The following KIF26B variants were observed in gnomAD, a reference collection of about 807,000 sequenced individuals.
The protein encoded by KIF26B is kinesin family member 26B.
Under a neutral mutation model 151.2 loss-of-function variants are expected in KIF26B, and 63 were observed. The observed-to-expected ratio is 0.42, with a 90% CI of 0.34 to 0.51. The LOEUF (loss-of-function observed/expected upper bound fraction) is 0.51, where lower values mean the gene tolerates loss of function less well. Ranked by LOEUF, KIF26B falls within the 20% of genes least tolerant of loss-of-function variation. The pLI, the probability that KIF26B is intolerant of heterozygous loss-of-function variation, is 0.07. For missense variants in KIF26B, 2,813 were observed against 2,913.6 expected, an observed-to-expected ratio of 0.97 and a Z score of 0.79; for synonymous variants, 1,357 against 1,262.1, an observed-to-expected ratio of 1.08 and a Z score of -1.59.
At chr1:245,533,182 A>G (rs1057429382) in intron 4 of KIF26B, among the ~76,000 whole-genome samples, 7 of 152,204 alleles carry the variant, frequency 4.6e-5, no homozygotes, top group Admixed American at 3.9e-4. Context: ...AAATAGTTCT[A>G]TAATGGCACG....
At chr1:245,217,386 A>G (rs1235456468) in intron 2 of KIF26B, among the ~76,000 whole-genome samples, 2 of 138,794 alleles carry the variant, frequency 1.4e-5, no homozygotes, top group African/African-American at 5.4e-5. Context: ...TTTTTTTGAG[A>G]CGGAGTCTCG....
chr1:245,534,015 G>C (rs1250932057), intron 4 of KIF26B, among the ~76,000 whole-genome samples: 1 of 152,136 alleles, frequency 6.6e-6, no homozygotes. Flanking sequence ...GATGCATTAG[G>C]AGAATTGTCT....
chr1:245,181,458 T>G (rs575976905), intron 2 of KIF26B, among the ~76,000 whole-genome samples: 1 of 151,558 alleles, frequency 6.6e-6, no homozygotes, highest in Non-Finnish European at 1.5e-5. Context: ...GTGTAAATTT[T>G]CAAGATTGTA....
chr1:245,279,306 C>CTT (rs5782332), intron 2 of KIF26B, among the ~76,000 whole-genome samples: 1,679 of 132,634 alleles, frequency 0.013, 42 homozygotes, highest in African/African-American at 0.042. Context: ...TTTTTTCTTT[C>CTT]TTTTTTTTTT....
intron 4 of KIF26B, among the ~76,000 whole-genome samples, chr1:245,430,913 A>C (rs1658762063): frequency 6.6e-6 from 1 of 152,204 alleles, no homozygotes; most frequent in Non-Finnish European, 1.5e-5. Flanking sequence ...CACAAGCCAG[A>C]ATATAAGCTC....
chr1:245,683,536 C>CA (rs1422115697), intron 10 of KIF26B, among the ~76,000 whole-genome samples: 3 of 152,180 alleles, frequency 2.0e-5, no homozygotes, highest in Admixed American at 2.0e-4. Flanking sequence ...CCACTCAGGG[C>CA]AGTGGCCCCG....
At chr1:245,434,411 C>T (rs972487523) in intron 4 of KIF26B, among the ~76,000 whole-genome samples, 3 of 152,198 alleles carry the variant, frequency 2.0e-5, no homozygotes, top group African/African-American at 7.2e-5. Flanking sequence ...CAAGAACCTC[C>T]TTTCTCTCCC....
intron 4 of KIF26B, among the ~76,000 whole-genome samples, chr1:245,529,943 C>A (rs1294122418): frequency 1.3e-5 from 2 of 151,954 alleles, no homozygotes; most frequent in African/African-American, 4.8e-5. Context: ...GGATTAATAC[C>A]CAGAATATAT....
intron 2 of KIF26B, among the ~76,000 whole-genome samples, chr1:245,309,038 A>G (rs1461378731): frequency 6.6e-6 from 1 of 152,064 alleles, no homozygotes; most frequent in African/African-American, 2.4e-5. Context: ...CCTGAGGGCC[A>G]TTTTTTCTGA....
intron 2 of KIF26B, among the ~76,000 whole-genome samples, chr1:245,173,648 C>G (rs1028591992): frequency 6.6e-6 from 1 of 152,202 alleles, no homozygotes; most frequent in Admixed American, 6.5e-5. Context: ...ACAGCCCTTC[C>G]TGCTCCCCGG....
chr1:245,636,591 T>G (rs539409724), intron 9 of KIF26B, among the ~76,000 whole-genome samples: 46 of 152,148 alleles, frequency 3.0e-4, no homozygotes, highest in Admixed American at 1.8e-3. Context: ...ATACTAAAAC[T>G]CATTCCTTTT....
At position 245,706,105 on chromosome 1, in the gene KIF26B, T is replaced by G. The variant is rs1416126542; in HGVS notation, c.*3499T>G. 2 of 152,216 alleles carry G rather than the reference T, an allele frequency of 1.3e-5. No homozygotes were observed. Among genetic ancestry groups the G allele is most frequent in the African/African-American group, 2.4e-5 (1 of 41,458 alleles). The allele number at this position is 152,216 out of a possible 1,614,324, so 9.4% of individuals were successfully genotyped here. On this transcript the variant is annotated 3_prime_UTR_variant, in exon 15 of 15. Coordinates refer to ENST00000407071, the MANE Select transcript of KIF26B (RefSeq NM_018012.4). ...GTGGGGAATTAGACAGGCAGGAATC[T>G]GGCCTGGTTTGTCATAAATTAGCCT...
chr1:245,374,007 G>A (rs1337890129), intron 3 of KIF26B, among the ~76,000 whole-genome samples: 2 of 129,908 alleles, frequency 1.5e-5, no homozygotes, highest in African/African-American at 2.9e-5. Context: ...GCAGGAAGAT[G>A]TGATTGTACC....
At chr1:245,256,310 G>T (rs987442410) in intron 2 of KIF26B, among the ~76,000 whole-genome samples, 2 of 152,178 alleles carry the variant, frequency 1.3e-5, no homozygotes, top group African/African-American at 4.8e-5. Context: ...TCCATGACAT[G>T]TACTAGCTGC....
chr1:245,319,991 G>A (rs6701638), intron 2 of KIF26B, among the ~76,000 whole-genome samples: 91,257 of 152,118 alleles, frequency 0.6, 28,460 homozygotes, highest in African/African-American at 0.79. Flanking sequence ...TAGAAAATCT[G>A]TTTGTGTCAT....
At chr1:245,295,929 G>T (rs1350377601) in intron 2 of KIF26B, among the ~76,000 whole-genome samples, 2 of 152,148 alleles carry the variant, frequency 1.3e-5, no homozygotes, top group African/African-American at 4.8e-5. Flanking sequence ...ACTTGAGTTG[G>T]CCTGACACAG....
intron 2 of KIF26B, among the ~76,000 whole-genome samples, chr1:245,187,229 C>T (rs1230375269): frequency 6.6e-6 from 1 of 152,184 alleles, no homozygotes; most frequent in Admixed American, 6.5e-5. Flanking sequence ...AACTGGAGGC[C>T]ATTATCTTAA....
chr1:245,280,485 C>T (rs867742968), intron 2 of KIF26B, among the ~76,000 whole-genome samples: 20 of 138,834 alleles, frequency 1.4e-4, no homozygotes, highest in African/African-American at 4.7e-4. Flanking sequence ...AAGCCGAGAT[C>T]GCACCACTGC....
chr1:245,174,433 AAGAG>A (rs748524984), intron 2 of KIF26B, among the ~76,000 whole-genome samples: 10 of 152,168 alleles, frequency 6.6e-5, no homozygotes, highest in East Asian at 3.8e-4. Flanking sequence ...AAGAAAAAAA[AAGAG>A]AGAGAAGGAC....
Sources: gnomAD v4.1 joint callset for allele counts (sites outside exome capture counted in the v4.1 genomes callset) on GRCh38, gnomAD v4.1.1 for gene constraint, MANE v1.5 for transcripts, NCBI Gene and HGNC (gene_info 2026-07-23, HGNC 2026-07-21) for gene names.